Variants in FAM107B observed in about 807,000 individuals in gnomAD.
FAM107B encodes the protein family with sequence similarity 107 member B, also known as protein FAM107B.
A neutral mutation model predicts 31.5 loss-of-function variants in FAM107B; 21 were observed. The observed-to-expected ratio is 0.67, with a 90% CI of 0.47 to 0.96. The LOEUF is 0.96. Ranked by LOEUF, FAM107B falls within the 40% of genes least tolerant of loss-of-function variation. The pLI is 0.00. For missense variants in FAM107B, 452 were observed against 377.1 expected, an observed-to-expected ratio of 1.20 and a Z score of -1.64; for synonymous variants, 157 against 141.5, an observed-to-expected ratio of 1.11 and a Z score of -0.78.
At chr10:14,688,869 G>A (rs114003079) in intron 1 of FAM107B, among the ~76,000 whole-genome samples, 2,132 of 152,164 alleles carry the variant, frequency 0.014, 52 homozygotes, top group African/African-American at 0.048. Context: ...TCTTTCTGTT[G>A]GTCTGAACAT....
chr10:14,660,588 G>A (rs901883994), intron 2 of FAM107B, among the ~76,000 whole-genome samples: 4 of 152,184 alleles, frequency 2.6e-5, no homozygotes, highest in Non-Finnish European at 4.4e-5. Context: ...TGAAGGATCC[G>A]TAGTTTCTGT....
chr10:14,633,356 A>G (rs757149629), intron 2 of FAM107B, among the ~76,000 whole-genome samples: 1 of 152,236 alleles, frequency 6.6e-6, no homozygotes, highest in Non-Finnish European at 1.5e-5. Flanking sequence ...ATATACACAT[A>G]GACTCCTGGT....
At chr10:14,641,434 C>T (rs563665617) in intron 2 of FAM107B, among the ~76,000 whole-genome samples, 1 of 152,118 alleles carries the variant, frequency 6.6e-6, no homozygotes, top group South Asian at 2.1e-4. Context: ...TAGCTCAGGC[C>T]GCCATAACAA....
chr10:14,741,219 G>T (rs1856429816), intron 1 of FAM107B, among the ~76,000 whole-genome samples: 1 of 152,186 alleles, frequency 6.6e-6, no homozygotes, highest in South Asian at 2.1e-4. Flanking sequence ...CAGGAGCTGA[G>T]ATATTGAGCA....
At chr10:14,767,093 GAGAGAGAC>G (rs1564295881) in intron 1 of FAM107B, among the ~76,000 whole-genome samples, 9 of 110,988 alleles carry the variant, frequency 8.1e-5, no homozygotes, top group African/African-American at 3.0e-4. Flanking sequence ...GAGAGAGAGA[GAGAGAGAC>G]AGAGAGAGAG....
chr10:14,531,529 T>TAA (rs1846999004), intron 2 of FAM107B, among the ~76,000 whole-genome samples: 1 of 103,084 alleles, frequency 9.7e-6, no homozygotes, highest in African/African-American at 4.1e-5. Flanking sequence ...CTCATATCTC[T>TAA]AAAAGAAAAG....
chr10:14,679,370 A>G (rs983907983), intron 1 of FAM107B, among the ~76,000 whole-genome samples: 2 of 152,158 alleles, frequency 1.3e-5, no homozygotes, highest in East Asian at 3.8e-4. Flanking sequence ...GCCTCAAGCA[A>G]TCCTTTTGCC....
chr10:14,580,088 G>A (rs1225993729), intron 2 of FAM107B, among the ~76,000 whole-genome samples: 2 of 151,922 alleles, frequency 1.3e-5, no homozygotes, highest in South Asian at 2.1e-4. Context: ...GGCTGGGTGC[G>A]GTGGCTCAAG....
At chr10:14,544,106 G>C (rs1848490556) in intron 2 of FAM107B, among the ~76,000 whole-genome samples, 1 of 152,180 alleles carries the variant, frequency 6.6e-6, no homozygotes, top group Non-Finnish European at 1.5e-5. Flanking sequence ...CCCAGGGTTA[G>C]AGAGGCCCAC....
chr10:14,586,101 G>A (rs1851821178), intron 2 of FAM107B, among the ~76,000 whole-genome samples: 1 of 152,136 alleles, frequency 6.6e-6, no homozygotes, highest in African/African-American at 2.4e-5. Context: ...AGGGCACTGA[G>A]TCCGCATCAC....
intron 1 of FAM107B, among the ~76,000 whole-genome samples, chr10:14,738,102 C>T (rs1409768974): frequency 1.3e-5 from 2 of 152,102 alleles, no homozygotes; most frequent in Admixed American, 6.6e-5. Context: ...TGTACAGCAG[C>T]CAGGGAGGAA....
intron 2 of FAM107B, among the ~76,000 whole-genome samples, chr10:14,638,734 C>T (rs533914571): frequency 1.3e-5 from 2 of 152,274 alleles, no homozygotes; most frequent in Non-Finnish European, 2.9e-5. Context: ...ATCGGCTTCT[C>T]CTTTTGCCGT....
At chr10:14,583,086 C>CAAAAAAAA (rs60205603) in intron 2 of FAM107B, among the ~76,000 whole-genome samples, 1 of 56,352 alleles carries the variant, frequency 1.8e-5, no homozygotes, top group Non-Finnish European at 3.8e-5. Context: ...GACTCTGTCT[C>CAAAAAAAA]AAAAAAAAAA....
At chr10:14,647,030 G>A (rs1316464953) in intron 2 of FAM107B, among the ~76,000 whole-genome samples, 11 of 151,998 alleles carry the variant, frequency 7.2e-5, no homozygotes, top group Admixed American at 4.6e-4. Flanking sequence ...TCCTGACCTC[G>A]TGATCCGCCT....
At chr10:14,533,560 CTG>C (rs1847271457) in intron 2 of FAM107B, among the ~76,000 whole-genome samples, 3 of 152,232 alleles carry the variant, frequency 2.0e-5, no homozygotes, top group South Asian at 2.1e-4. Flanking sequence ...ACCTGACTGA[CTG>C]GCCCTCTGCA....
At position 14,774,466 on chromosome 10, in the gene FAM107B, G is replaced by A. The variant is rs1833376284; in HGVS notation, c.198C>T (p.His66=). The A allele has an allele frequency of 1.9e-6, 3 of 1,614,186 alleles. No individual in the cohort carries two copies. The highest frequency in any genetic ancestry group is 1.7e-6 in the Non-Finnish European group (2 of 1,180,032). ...PVAKAGRQPR[H]PSAEGAPEKR... ...TCTCTGGAGCTCCTTCTGCGCTTGG[G>A]TGTCTTGGCTGTCTGCCTGCTTTGG... The change falls in exon 1 of 5, where the codon CAC becomes CAT. Residue 66 remains histidine (H), a synonymous_variant. Coordinates refer to ENST00000181796, the MANE Select transcript of FAM107B (RefSeq NM_031453.4).
At chr10:14,650,118 A>G (rs991000546) in intron 2 of FAM107B, among the ~76,000 whole-genome samples, 8 of 152,144 alleles carry the variant, frequency 5.3e-5, no homozygotes, top group South Asian at 2.1e-4. Flanking sequence ...ACTTTTGTCA[A>G]TGCTACATTT....
In FAM107B at chr10:14,628,384, T is replaced by C. The variant is rs532094683; in HGVS notation, c.469+39250A>G. 2.2e-4 allele frequency among the ~76,000 whole-genome samples: 34 copies of C among 152,180 alleles called. No individual in the cohort carries two copies. In the East Asian group the frequency reaches 4.8e-3, roughly 22 times the overall value. On this transcript the variant is annotated intron_variant, in intron 2 of 4. Transcript: ENST00000181796. ...CCACCTGCCTTGATCTCCCAAAGTG[T>C]TGGGATTACAGGCGTGAGCCACTGC...
chr10:14,710,429 AAT>A (rs935914725), intron 1 of FAM107B, among the ~76,000 whole-genome samples: 10 of 102,918 alleles, frequency 9.7e-5, no homozygotes, highest in African/African-American at 4.5e-4. Flanking sequence ...TGTCTCTAAA[AAT>A]ACACACACAC....
Sources: gnomAD v4.1 joint callset for allele counts (sites outside exome capture counted in the v4.1 genomes callset) on GRCh38, gnomAD v4.1.1 for gene constraint, MANE v1.5 for transcripts, NCBI Gene and HGNC (gene_info 2026-07-23, HGNC 2026-07-21) for gene names.